SLC24A2: variants seen among roughly 807,000 people sequenced by gnomAD.
SLC24A2 encodes solute carrier family 24 member 2.
A neutral mutation model predicts 62.0 loss-of-function variants in SLC24A2; 36 were observed. That is an observed-to-expected ratio of 0.58 (90% confidence interval 0.44 to 0.77). SLC24A2 has a LOEUF of 0.77. Ranked by LOEUF, SLC24A2 falls within the 30% of genes least tolerant of loss-of-function variation. The pLI is 0.00. For synonymous variants in SLC24A2, 358 were observed against 294.0 expected (o/e 1.22, Z -2.23); for missense variants, 846 against 817.9 (o/e 1.03, Z -0.42).
chr9:19,681,877 T>C (rs1344694230), intron 2 of SLC24A2, among the ~76,000 whole-genome samples: 1 of 152,164 alleles, frequency 6.6e-6, no homozygotes, highest in African/African-American at 2.4e-5. Context: ...TCAATTAACC[T>C]TTATCTAAGA....
At chr9:19,688,416 C>T (rs1819948125) in intron 2 of SLC24A2, among the ~76,000 whole-genome samples, 1 of 152,078 alleles carries the variant, frequency 6.6e-6, no homozygotes, top group African/African-American at 2.4e-5. Flanking sequence ...ATTTGGTAGA[C>T]TTACTACACA....
chr9:20,137,179 T>C, the SLC24A2 span, among the ~76,000 whole-genome samples: 2 of 152,132 alleles, frequency 1.3e-5, no homozygotes, highest in African/African-American at 4.8e-5. Context: ...TGTGTGTAAA[T>C]GAATAATGCA....
At chr9:19,712,026 A>C (rs998366768) in intron 2 of SLC24A2, among the ~76,000 whole-genome samples, 3 of 152,174 alleles carry the variant, frequency 2.0e-5, no homozygotes, top group African/African-American at 7.2e-5. Context: ...GAGACAATGG[A>C]GGACAGTTTT....
the SLC24A2 span, among the ~76,000 whole-genome samples, chr9:20,255,402 C>A: frequency 1.3e-5 from 2 of 152,208 alleles, no homozygotes; most frequent in Non-Finnish European, 1.5e-5. Context: ...AAGCTACCCC[C>A]AAGTTAGCGG....
intron 8 of SLC24A2, among the ~76,000 whole-genome samples, chr9:19,531,790 G>A (rs1054214367): frequency 5.1e-5 from 7 of 138,236 alleles, no homozygotes; most frequent in Non-Finnish European, 1.1e-4. Flanking sequence ...TACCAGCAAT[G>A]TGACCTGAGA....
the SLC24A2 span, among the ~76,000 whole-genome samples, chr9:20,078,848 A>G: frequency 1.3e-5 from 2 of 152,250 alleles, no homozygotes; most frequent in Non-Finnish European, 2.9e-5. Context: ...AAAAAGGGAC[A>G]TAGATAAATA....
chr9:19,976,225 T>C, the SLC24A2 span, among the ~76,000 whole-genome samples: 1 of 152,198 alleles, frequency 6.6e-6, no homozygotes, highest in South Asian at 2.1e-4. Flanking sequence ...TTGTTATAGC[T>C]TTCATATTGT....
the SLC24A2 span, among the ~76,000 whole-genome samples, chr9:20,198,005 C>G: frequency 6.6e-6 from 1 of 152,210 alleles, no homozygotes; most frequent in Admixed American, 6.5e-5. Flanking sequence ...GATTTCCCTT[C>G]CCCTTGGCTG....
chr9:19,555,713 G>C (rs1835056932), intron 7 of SLC24A2, among the ~76,000 whole-genome samples: 1 of 152,220 alleles, frequency 6.6e-6, no homozygotes, highest in African/African-American at 2.4e-5. Flanking sequence ...GGGAGGCCAA[G>C]GCAGGTGGAT....
At chr9:19,617,172 T>C (rs1817789345) in intron 4 of SLC24A2, among the ~76,000 whole-genome samples, 1 of 152,144 alleles carries the variant, frequency 6.6e-6, no homozygotes, top group Non-Finnish European at 1.5e-5. Flanking sequence ...AGGCATTAAA[T>C]TCGAATAAGG....
the SLC24A2 span, among the ~76,000 whole-genome samples, chr9:20,015,516 A>C: frequency 6.6e-6 from 1 of 152,328 alleles, no homozygotes. Context: ...CTGCTGCTTC[A>C]CTTCCGCTTT....
chr9:19,872,739 C>T, the SLC24A2 span, among the ~76,000 whole-genome samples: 1 of 152,172 alleles, frequency 6.6e-6, no homozygotes, highest in Admixed American at 6.5e-5. Context: ...TATGGCAGCT[C>T]TGTTGGAAAC....
chr9:19,592,343 C>T (rs1836577272), intron 5 of SLC24A2, among the ~76,000 whole-genome samples: 1 of 152,126 alleles, frequency 6.6e-6, no homozygotes, highest in South Asian at 2.1e-4. Context: ...CAAGGATTGA[C>T]TTTTTAAATA....
chr9:19,781,000 G>A (rs568105895), intron 2 of SLC24A2, among the ~76,000 whole-genome samples: 2 of 148,714 alleles, frequency 1.3e-5, no homozygotes, highest in African/African-American at 5.0e-5. Context: ...AAAATAAATA[G>A]AAAGTATACA....
chr9:20,046,802 C>T, the SLC24A2 span, among the ~76,000 whole-genome samples: 2 of 152,160 alleles, frequency 1.3e-5, no homozygotes, highest in Non-Finnish European at 2.9e-5. Flanking sequence ...TTTGATATTA[C>T]TTATTGCCTT....
chr9:20,162,747 C>A, the SLC24A2 span, among the ~76,000 whole-genome samples: 9 of 152,140 alleles, frequency 5.9e-5, no homozygotes, highest in Non-Finnish European at 1.2e-4. Flanking sequence ...TACTGGAAAA[C>A]CGAATCCAGC....
At chr9:19,695,741 A>G (rs1820173335) in intron 2 of SLC24A2, among the ~76,000 whole-genome samples, 1 of 151,030 alleles carries the variant, frequency 6.6e-6, no homozygotes, top group African/African-American at 2.4e-5. Flanking sequence ...ATGAGAATGG[A>G]TAGATTAATT....
At chr9:20,171,055 C>A in the SLC24A2 span, among the ~76,000 whole-genome samples, 1 of 151,984 alleles carries the variant, frequency 6.6e-6, no homozygotes, top group Non-Finnish European at 1.5e-5. Flanking sequence ...GGGATTGGGG[C>A]CCTATCTTCA....
intron 8 of SLC24A2, among the ~76,000 whole-genome samples, chr9:19,528,684 C>A (rs972813354): frequency 6.6e-6 from 1 of 152,254 alleles, no homozygotes; most frequent in South Asian, 2.1e-4. Context: ...GAAAGTCACA[C>A]AGAAAAAGCC....
Sources: gnomAD v4.1 joint callset for allele counts (sites outside exome capture counted in the v4.1 genomes callset) on GRCh38, gnomAD v4.1.1 for gene constraint, MANE v1.5 for transcripts, NCBI Gene and HGNC (gene_info 2026-07-23, HGNC 2026-07-21) for gene names.